CAST: variants seen among roughly 807,000 people sequenced by gnomAD.
CAST encodes MIR583 host.
Under a neutral mutation model 119.6 loss-of-function variants are expected in CAST, and 76 were observed. That is an observed-to-expected ratio of 0.64 (90% CI 0.53 to 0.77). The LOEUF (loss-of-function observed/expected upper bound fraction) is 0.77, where lower values mean the gene tolerates loss of function less well. Among genes scored for constraint, CAST ranks in the 30% least tolerant of loss-of-function variants. The probability of loss-of-function intolerance (pLI) is 0.00; values close to 1 mark genes in which losing one functional copy is unlikely to be tolerated. For missense variants in CAST, 953 were observed against 946.5 expected (o/e 1.01, Z -0.09); for synonymous variants, 319 against 331.6 (o/e 0.96, Z 0.41).
the CAST span, chr5:96,392,685 T>C: frequency 0.011 from 2,908 of 262,476 alleles, 87 homozygotes; most frequent in African/African-American, 0.059. Context: ...CTTTTGAGAA[T>C]TGAAATGGGC....
chr5:95,991,485 A>G, the CAST span, among the ~76,000 whole-genome samples: 1 of 150,776 alleles, frequency 6.6e-6, no homozygotes, highest in Non-Finnish European at 1.5e-5. Context: ...ACTATAGTTA[A>G]CAACAAGTTT....
rs1287904344 is a variant in CAST, at chr5:96,768,398, A to G, written c.2268+399A>G. ...TGCGCCTGGCCCTTACAATTTTTAA[A>G]CTGTAGAATGAATCAAACGATGATA... On this transcript the variant is annotated intron_variant, in intron 29 of 31. Transcript: ENST00000675179. The G allele has an allele frequency of 8.8e-6, 4 of 456,248 alleles. No homozygotes were observed. In the East Asian group the frequency reaches 2.8e-4, roughly 32 times the overall value. 28.3% of individuals were successfully genotyped at this position (456,248 alleles called of 1,614,324 possible).
At chr5:96,707,226 A>T (rs1428370827) in intron 3 of CAST, among the ~76,000 whole-genome samples, 1 of 152,168 alleles carries the variant, frequency 6.6e-6, no homozygotes, top group Non-Finnish European at 1.5e-5. Flanking sequence ...TTCCTGTCAA[A>T]GTTGTTGCTT....
At chr5:96,522,967 A>G (rs1282381766), upstream of CAST, among the ~76,000 whole-genome samples, 1 of 152,166 alleles carries the variant, frequency 6.6e-6, no homozygotes, top group Non-Finnish European at 1.5e-5. Context: ...TTTCAAAGTA[A>G]TAAGTTATTT....
At chr5:96,147,634 A>C in the CAST span, among the ~76,000 whole-genome samples, 208 of 151,802 alleles carry the variant, frequency 1.4e-3, no homozygotes, top group Non-Finnish European at 1.8e-3. Context: ...AAAACAAAAC[A>C]AAAACCCCAA....
intron 1 of CAST, among the ~76,000 whole-genome samples, chr5:96,616,192 C>A (rs1561431113): frequency 6.6e-6 from 1 of 152,212 alleles, no homozygotes; most frequent in African/African-American, 2.4e-5. Flanking sequence ...CGATACTTTG[C>A]ATCCTTCAAT....
upstream of CAST, among the ~76,000 whole-genome samples, chr5:96,520,961 A>G (rs756770193): frequency 2.6e-5 from 4 of 152,200 alleles, no homozygotes; most frequent in Non-Finnish European, 5.9e-5. Flanking sequence ...ATCCCATTGT[A>G]GTAGAAAACA....
At chr5:96,005,687 A>T in the CAST span, among the ~76,000 whole-genome samples, 1 of 152,176 alleles carries the variant, frequency 6.6e-6, no homozygotes, top group African/African-American at 2.4e-5. Flanking sequence ...AAACTAAAAT[A>T]AACTATTTAA....
chr5:96,632,263 T>C (rs930673079), intron 1 of CAST, among the ~76,000 whole-genome samples: 1 of 151,644 alleles, frequency 6.6e-6, no homozygotes, highest in African/African-American at 2.4e-5. Context: ...TCTTATGAGA[T>C]GTATAATTTG....
chr5:96,133,350 A>G, the CAST span, among the ~76,000 whole-genome samples: 1 of 151,890 alleles, frequency 6.6e-6, no homozygotes, highest in Admixed American at 6.6e-5. Context: ...GCCTCCCTCA[A>G]TGAGGTAATT....
chr5:96,237,928 ACTT>A, the CAST span, among the ~76,000 whole-genome samples: 2 of 151,992 alleles, frequency 1.3e-5, no homozygotes, highest in South Asian at 4.1e-4. Context: ...CTTTGGGTTT[ACTT>A]TATCCTCTAA....
the CAST span, among the ~76,000 whole-genome samples, chr5:96,269,478 C>T: frequency 1.7e-3 from 263 of 152,206 alleles, 2 homozygotes; most frequent in African/African-American, 6.0e-3. Flanking sequence ...TTGACTTTTA[C>T]AGAAAATTTC....
chr5:96,003,189 A>G, the CAST span, among the ~76,000 whole-genome samples: 3 of 152,010 alleles, frequency 2.0e-5, no homozygotes, highest in East Asian at 3.9e-4. Flanking sequence ...GCAGTGAGCC[A>G]TGATCACACC....
chr5:96,726,688 A>G (rs560973281), intron 4 of CAST, 106 bp from the exon 5 acceptor site: 9 of 731,314 alleles, frequency 1.2e-5, no homozygotes, highest in Middle Eastern at 2.7e-4. Flanking sequence ...AGTAGATGCA[A>G]TAGATGAATA....
intron 22 of CAST, among the ~76,000 whole-genome samples, chr5:96,755,532 C>T (rs1222645801): frequency 6.6e-6 from 1 of 152,124 alleles, no homozygotes; most frequent in Non-Finnish European, 1.5e-5. Flanking sequence ...CATTATGAGT[C>T]CTGTGGTTTA....
At chr5:96,033,401 A>G in the CAST span, among the ~76,000 whole-genome samples, 5 of 152,200 alleles carry the variant, frequency 3.3e-5, no homozygotes, top group African/African-American at 1.2e-4. Context: ...TTCAAAATAT[A>G]CTACAAAGGT....
the CAST span, among the ~76,000 whole-genome samples, chr5:96,069,792 C>T: frequency 6.6e-6 from 1 of 151,234 alleles, no homozygotes; most frequent in Non-Finnish European, 1.5e-5. Flanking sequence ...TGAGCCACCA[C>T]ACCCAGCCTA....
Position 96,773,593 on chromosome 5 carries a change from T to TA in CAST, c.*984dup, listed in dbSNP as rs971440778. The TA allele has an allele frequency of 2.6e-5, 4 of 151,550 alleles. No individual in the cohort carries two copies. The highest frequency in any genetic ancestry group is 1.3e-4 in the Admixed American group (2 of 15,234). The allele number at this position is 151,550 out of a possible 1,614,324, so 9.4% of individuals were successfully genotyped here. A position where few individuals can be genotyped will look rare whatever the true frequency, so the allele number is the denominator to read the frequency against. On this transcript the variant is annotated 3_prime_UTR_variant, in exon 32 of 32. Transcript: ENST00000675179. ...AAATATAAAAAGAAACTTCTGCTTT[T>TA]AAAAAAATTATATATATATATTAAA... is the stretch of plus-strand genomic sequence containing the variant.
chr5:96,765,038 TCTC>T (rs139949038), intron 25 of CAST, among the ~76,000 whole-genome samples, 180 bp from the exon 26 acceptor site: 14,075 of 151,938 alleles, frequency 0.093, 767 homozygotes, highest in African/African-American at 0.14. Flanking sequence ...CTGCCGCTCT[TCTC>T]CTGATCTTCC....
Sources: allele counts gnomAD v4.1 joint callset (sites outside exome capture counted in the v4.1 genomes callset), GRCh38; gene constraint gnomAD v4.1.1; transcripts MANE v1.5; gene names NCBI Gene and HGNC (gene_info 2026-07-23, HGNC 2026-07-21).